Variants in DNAJC13 observed in about 807,000 individuals in gnomAD.
The protein encoded by DNAJC13 is dnaJ homolog subfamily C member 13.
Under a neutral mutation model 290.5 loss-of-function variants are expected in DNAJC13, and 75 were observed. That is an observed-to-expected ratio of 0.26 (90% CI 0.21 to 0.31). The LOEUF (loss-of-function observed/expected upper bound fraction) is 0.31, where lower values mean the gene tolerates loss of function less well. Ranked by LOEUF, DNAJC13 falls within the 10% of genes least tolerant of loss-of-function variation. DNAJC13 has a pLI of 1.00. For synonymous variants in DNAJC13, 862 were observed against 892.0 expected, an observed-to-expected ratio of 0.97 and a Z score of 0.60; for missense variants, 2,260 against 2,674.5, an observed-to-expected ratio of 0.85 and a Z score of 3.42.
intron 20 of DNAJC13, among the ~76,000 whole-genome samples, chr3:132,468,899 T>C (rs1029808975): frequency 6.6e-6 from 1 of 152,170 alleles, no homozygotes; most frequent in African/African-American, 2.4e-5. Context: ...TGTAGATAAG[T>C]TTTTGGCATC....
intron 15 of DNAJC13, among the ~76,000 whole-genome samples, chr3:132,461,678 TTTTTA>T (rs539426857): frequency 2.8e-4 from 43 of 152,220 alleles, no homozygotes; most frequent in African/African-American, 9.6e-4. Context: ...ATATCTTGCT[TTTTTA>T]TTTTATTTTA....
intron 38 of DNAJC13, among the ~76,000 whole-genome samples, chr3:132,500,191 A>T (rs1935365840): frequency 6.6e-6 from 1 of 152,204 alleles, no homozygotes; most frequent in African/African-American, 2.4e-5. Flanking sequence ...AATTGGCTTA[A>T]CATTTAAGGT....
Position 132,494,246 on chromosome 3 carries a change from C to G in DNAJC13, c.3928C>G (p.Gln1310Glu). 6.2e-7 allele frequency: 1 copy of G among 1,612,682 alleles called. No homozygotes were observed. The highest frequency in any genetic ancestry group is 8.5e-7 in the Non-Finnish European group (1 of 1,179,180). Reference sequence around the variant, plus strand: ...TGCTTATGAAGTGCTTAATCTGCCTCAAGGACAGGGACCGTGAGTTGTTTT... The same window carrying G: ...TGCTTATGAAGTGCTTAATCTGCCTGAAGGACAGGGACCGTGAGTTGTTTT... Reference protein sequence around the residue: ...DDAYEVLNLPQGQGPHDESKI... With the variant: ...DDAYEVLNLPEGQGPHDESKI... Residue 1310 changes from glutamine to glutamate, a missense_variant, in exon 34 of 56, where the codon CAA becomes GAA. Physicochemically the swap from Gln to Glu is conservative, Grantham distance 29. This residue lies in a region of DNAJC13 where 1,494 missense variants were observed against 1,693.7 expected (regional missense o/e 0.88). Transcript: ENST00000260818.
rs993374289 is a variant in DNAJC13 at position 132,484,658 on chromosome 3, C to T, written c.3253C>T (p.Pro1085Ser). The part of the protein sequence containing the change: ...KRLLSDSTCL[P>S]HIIQLLLTFD... ...ACTGCTGTCAGATAGCACTTGCCTTCCCCATATTATTCAGGTGAGTTATGT... is the reference window on the plus strand; with the variant it reads ...ACTGCTGTCAGATAGCACTTGCCTTTCCCATATTATTCAGGTGAGTTATGT... The change falls in exon 29 of 56, where the codon CCC (proline) becomes TCC (serine). Residue 1085 changes from proline (P) to serine (S), a missense_variant. Physicochemically the swap from Pro to Ser is moderately conservative, Grantham distance 74 (BLOSUM62 -1). Coordinates refer to ENST00000260818, the MANE Select transcript of DNAJC13 (RefSeq NM_015268.4). The T allele has an allele frequency of 3.7e-6, 6 of 1,613,550 alleles. No individual in the cohort carries two copies. Among genetic ancestry groups the T allele is most frequent in the Admixed American group, 1.7e-5 (1 of 59,998 alleles).
chr3:132,471,431 G>C (rs1208459291), intron 20 of DNAJC13, among the ~76,000 whole-genome samples: 5 of 141,480 alleles, frequency 3.5e-5, no homozygotes, highest in Non-Finnish European at 4.7e-5. Flanking sequence ...CGGGCGGAGA[G>C]GCTCCTCACT....
At chr3:132,453,736 T>C in intron 8 of DNAJC13, 42 bp downstream of exon 8, 2 of 1,497,124 alleles carry the variant, frequency 1.3e-6, no homozygotes, top group Non-Finnish European at 1.8e-6. Flanking sequence ...TTTCTTTCTA[T>C]TGATAAATTA....
At chr3:132,523,110 A>G in intron 49 of DNAJC13, 47 bp from the exon 50 acceptor site, 1 of 1,612,284 alleles carries the variant, frequency 6.2e-7, no homozygotes, top group Non-Finnish European at 8.5e-7. Context: ...GTTAATGAAA[A>G]TGTATTTGTG....
At position 132,463,798 on chromosome 3, in the gene DNAJC13, C is replaced by G; in HGVS notation, c.1873C>G (p.Gln625Glu). Reference protein sequence around the residue: ...HTAMFTISSDQRMLTNRQLSR... With the variant: ...HTAMFTISSDERMLTNRQLSR... Reference sequence around the variant, plus strand: ...TGCGATGTTTACAATAAGCTCAGATCAAAGGATGCTTACAAATAGGTAGGT... The same window carrying G: ...TGCGATGTTTACAATAAGCTCAGATGAAAGGATGCTTACAAATAGGTAGGT... Residue 625 changes from glutamine to glutamate, a missense_variant, in exon 17 of 56, where the codon CAA (glutamine) becomes GAA (glutamate). This residue lies in a region of DNAJC13 where 762 missense variants were observed against 964.1 expected (regional missense o/e 0.79). Transcript: ENST00000260818. The G allele has an allele frequency of 6.2e-7, 1 of 1,611,706 alleles. No individual in the cohort carries two copies. Among genetic ancestry groups the G allele is most frequent in the Non-Finnish European group, 8.5e-7 (1 of 1,178,764 alleles).
intron 53 of DNAJC13, among the ~76,000 whole-genome samples, chr3:132,527,614 A>C (rs1288654226): frequency 1.3e-5 from 2 of 152,222 alleles, no homozygotes; most frequent in African/African-American, 4.8e-5. Flanking sequence ...ACTATCTCAC[A>C]AGGTTGTTAT....
At position 132,516,535 on chromosome 3, in the gene DNAJC13, T is replaced by C. The variant is rs191208025; in HGVS notation, c.5560+39T>C. ...TGCTTTCTTAGCTAGTCATGTGCAATATAATGAAGCTTATTTTGAGCTGCA... is the reference window on the plus strand; with the variant it reads ...TGCTTTCTTAGCTAGTCATGTGCAACATAATGAAGCTTATTTTGAGCTGCA... On this transcript the variant is annotated intron_variant, in intron 47 of 55. Coordinates refer to ENST00000260818, the MANE Select transcript of DNAJC13 (RefSeq NM_015268.4). The C allele has an allele frequency of 1.9e-4, 299 of 1,596,136 alleles. 2 individuals are homozygous for C. In the East Asian group the frequency reaches 6.5e-3, roughly 34 times the overall value.
chr3:132,450,353 C>G (rs1933382417), intron 5 of DNAJC13, among the ~76,000 whole-genome samples: 1 of 152,008 alleles, frequency 6.6e-6, no homozygotes, highest in South Asian at 2.1e-4. Context: ...AGGATTTCCT[C>G]TTTTTTCTTT....
intron 49 of DNAJC13, 49 bp from the exon 50 acceptor site, chr3:132,523,108 A>T (rs767617055): frequency 6.2e-7 from 1 of 1,612,178 alleles, no homozygotes; most frequent in South Asian, 1.1e-5. Flanking sequence ...AGGTTAATGA[A>T]AATGTATTTG....
chr3:132,453,418 A>G lies in DNAJC13; in HGVS notation c.658A>G (p.Asn220Asp), dbSNP rs759315286. 2.5e-6 allele frequency: 4 copies of G among 1,613,988 alleles called. No individual in the cohort carries two copies. The highest frequency in any genetic ancestry group is 4.5e-5 in the East Asian group (2 of 44,826). Residue 220 changes from asparagine to aspartate, a missense_variant, in exon 7 of 56, where the codon AAT (asparagine) becomes GAT (aspartate). Transcript: ENST00000260818. The part of the protein sequence containing the change: ...KEPLEFEQYL[N>D]LRFGKYSTDE... ...GCCTTTAGAATTCGAGCAATATTTG[A>G]ATCTTCGCTTTGGAAAATACAGCAC...
chr3:132,479,371 C>A, intron 25 of DNAJC13, 82 bp downstream of exon 25: 2 of 962,484 alleles, frequency 2.1e-6, no homozygotes, highest in Non-Finnish European at 3.3e-6. Flanking sequence ...AGTTGATTAT[C>A]CAGGGAGTGT....
intron 2 of DNAJC13, among the ~76,000 whole-genome samples, chr3:132,445,515 G>A (rs1448917280): frequency 6.6e-6 from 1 of 151,912 alleles, no homozygotes; most frequent in East Asian, 1.9e-4. Context: ...ACAATTTAAG[G>A]AGCATGGGAG....
At chr3:132,476,135 T>C (rs1416302864) in intron 22 of DNAJC13, among the ~76,000 whole-genome samples, 1 of 152,168 alleles carries the variant, frequency 6.6e-6, no homozygotes, top group Non-Finnish European at 1.5e-5. Flanking sequence ...GGTTTCACCA[T>C]GTTGCCCAGT....
At chr3:132,519,987 T>A (rs1936037881) in intron 48 of DNAJC13, among the ~76,000 whole-genome samples, 2 of 152,168 alleles carry the variant, frequency 1.3e-5, no homozygotes, top group African/African-American at 4.8e-5. Context: ...AAATCTCCCT[T>A]TTTAAAACCA....
chr3:132,523,868 AT>A, intron 51 of DNAJC13, 155 bp downstream of exon 51: 11 of 712,440 alleles, frequency 1.5e-5, no homozygotes, highest in East Asian at 2.8e-5. Context: ...CCCCTCGATC[AT>A]TTTTTTGCCA....
At chr3:132,443,135 C>T (rs1933124449) in intron 2 of DNAJC13, among the ~76,000 whole-genome samples, 1 of 152,140 alleles carries the variant, frequency 6.6e-6, no homozygotes, top group Non-Finnish European at 1.5e-5. Context: ...ACTTGGGACA[C>T]TGTTGACTTA....
Sources: gnomAD v4.1 joint callset for allele counts (sites outside exome capture counted in the v4.1 genomes callset) on GRCh38, gnomAD v4.1.1 for gene constraint, gnomAD v4.1.1 regional missense constraint, MANE v1.5 for transcripts, NCBI Gene and HGNC (gene_info 2026-07-23, HGNC 2026-07-21) for gene names.